The following ANKRD24 variants were observed in gnomAD, a reference collection of about 807,000 sequenced individuals.
ANKRD24 encodes the protein ankyrin repeat domain 24.
A neutral mutation model predicts 127.8 loss-of-function variants in ANKRD24; 109 were observed. The observed-to-expected ratio is 0.85, with a 90% CI of 0.73 to 1.00. The LOEUF is 1.00. ANKRD24 is among the 50% of genes least tolerant of loss of function. ANKRD24 has a pLI of 0.00. For synonymous variants in ANKRD24, 743 were observed against 671.1 expected, an observed-to-expected ratio of 1.11 and a Z score of -1.66; for missense variants, 1,648 against 1,570.2, an observed-to-expected ratio of 1.05 and a Z score of -0.84.
chr19:4,220,193 G>A (rs559896515), intron 19 of ANKRD24, among the ~76,000 whole-genome samples: 1 of 152,038 alleles, frequency 6.6e-6, no homozygotes, highest in Non-Finnish European at 1.5e-5. Flanking sequence ...GGCTGGTCTC[G>A]AACTCCTGAG....
chr19:4,200,139 A>G lies in ANKRD24; in HGVS notation c.311A>G (p.His104Arg), dbSNP rs934566600. ...AASCLEVMIA[H>R]GSNVMSADGA... ...AGCTGTCTGGAGGTGATGATAGCTC[A>G]TGGCAGCAATGTCATGAGCGCGGAC... The change falls in exon 5 of 22, where the codon CAT (histidine) becomes CGT (arginine). Residue 104 changes from histidine (H) to arginine (R), a missense_variant. Physicochemically the swap from His to Arg is conservative, Grantham distance 29 (BLOSUM62 0). Coordinates refer to ENST00000318934, the MANE Select transcript of ANKRD24 (RefSeq NM_001393985.1). 1 of 1,597,896 alleles carries G rather than the reference A, an allele frequency of 6.3e-7. No homozygotes were observed. The highest frequency in any genetic ancestry group is 1.3e-5 in the African/African-American group (1 of 74,700).
rs60004310 is a variant in ANKRD24, at chr19:4,199,764, C to G, written c.118C>G (p.Arg40Gly). The change falls in exon 3 of 22, where the codon CGC becomes GGC. Residue 40 changes from arginine to glycine, a missense_variant. By Grantham distance (125) the Arg-to-Gly change is moderately radical. Transcript: ENST00000318934. This position sits in a 1 kb window ranked among gnomAD's most constrained non-coding sequence, Gnocchi z 5.2. ...PIPKPAARGR[R>G]QSQDWGKSDE... ...CCCGAAGCCGGCAGCCAGAGGCAGG[C>G]GCCAGGCAAGTGCCCAGGGGCAGGT... The G allele has an allele frequency of 6.5e-7, 1 of 1,536,780 alleles. No individual in the cohort carries two copies. Among genetic ancestry groups the G allele is most frequent in the Non-Finnish European group, 8.7e-7 (1 of 1,143,860 alleles).
chr19:4,216,432 G>A (rs1395295425), intron 17 of ANKRD24, 30 bp downstream of exon 17: 7 of 1,557,904 alleles, frequency 4.5e-6, no homozygotes, highest in Non-Finnish European at 6.1e-6. Flanking sequence ...GGACAGATCT[G>A]AGGACCTAGG....
At chr19:4,222,839 A>G in intron 20 of ANKRD24, 44 bp downstream of exon 20, 6 of 1,544,896 alleles carry the variant, frequency 3.9e-6, no homozygotes, top group Non-Finnish European at 5.3e-6. Flanking sequence ...ATCAGGGTGG[A>G]GGAGTCCAAA....
chr19:4,213,851 T>C (rs1037359474), intron 15 of ANKRD24, among the ~76,000 whole-genome samples: 3 of 151,984 alleles, frequency 2.0e-5, no homozygotes, highest in Non-Finnish European at 4.4e-5. Flanking sequence ...GCCAGGCTGG[T>C]CTTGAACTCC....
At chr19:4,201,968 A>G (rs1599422321) in intron 5 of ANKRD24, 58 bp from the exon 6 acceptor site, 5 of 1,473,462 alleles carry the variant, frequency 3.4e-6, no homozygotes, top group Admixed American at 3.4e-5. Context: ...TGGCTTGGGG[A>G]GCAGCTGGGA....
At chr19:4,219,148 T>C (rs143639751) in intron 18 of ANKRD24, among the ~76,000 whole-genome samples, 3 of 152,118 alleles carry the variant, frequency 2.0e-5, no homozygotes, top group African/African-American at 7.2e-5. Flanking sequence ...TAGGTTGGCA[T>C]TGTGGCACGT....
chr19:4,217,333 C>T lies in ANKRD24; in HGVS notation c.2173C>T (p.Leu725=). The change falls in exon 18 of 22, where the codon CTG becomes TTG. Residue 725 remains leucine (L), a synonymous_variant. Transcript: ENST00000318934. ...AEASEKLQVE[L]ETRIRGLEEA... is the part of the protein sequence containing the mutation. ...GGCCTCGGAAAAGCTTCAAGTAGAG[C>T]TGGAGACCAGGATCCGTGGCTTGGA... The T allele has an allele frequency of 6.4e-7, 1 of 1,551,776 alleles. No individual in the cohort carries two copies. Among genetic ancestry groups the T allele is most frequent in the Non-Finnish European group, 8.7e-7 (1 of 1,147,122 alleles).
intron 20 of ANKRD24, among the ~76,000 whole-genome samples, chr19:4,223,399 A>ATTTTTTTTTTTTTT (rs1248797551): frequency 1.8e-5 from 1 of 56,354 alleles, no homozygotes; most frequent in African/African-American, 7.8e-5. Context: ...ATATATATAT[A>ATTTTTTTTTTTTTT]TATTTTTTTT....
chr19:4,190,171 C>T (rs1968302758), intron 2 of ANKRD24, among the ~76,000 whole-genome samples: 2 of 152,122 alleles, frequency 1.3e-5, no homozygotes, highest in East Asian at 1.9e-4. Flanking sequence ...CGTGGTGGCT[C>T]ACATCTGTAA....
chr19:4,206,467 A>G (rs975496089), intron 7 of ANKRD24, among the ~76,000 whole-genome samples: 3 of 151,710 alleles, frequency 2.0e-5, no homozygotes, highest in Admixed American at 2.0e-4. Flanking sequence ...ATAAAATAAT[A>G]TAATATAAAA....
intron 11 of ANKRD24, 71 bp from the exon 12 acceptor site, chr19:4,209,987 G>C (rs1411760441): frequency 2.3e-6 from 2 of 867,942 alleles, no homozygotes; most frequent in African/African-American, 3.4e-5. Context: ...TGGCTGGGTT[G>C]GTTTACTGTG....
chr19:4,196,414 C>T (rs1968743115), intron 2 of ANKRD24, among the ~76,000 whole-genome samples: 1 of 152,132 alleles, frequency 6.6e-6, no homozygotes, highest in South Asian at 2.1e-4. Context: ...CTCGCTCTGT[C>T]ACCCAGGCTG....
At position 4,199,709 on chromosome 19, in the gene ANKRD24, C is replaced by T. The variant is rs1163534155; in HGVS notation, c.63C>T (p.Gly21=). ...TGCGGCTCAGCCCCACTGACCTTGG[C>T]TCCTGCCCGCCCTGCGGCCCCTGCC... The part of the protein sequence containing the change: ...TELRLSPTDL[G]SCPPCGPCPI... The change falls in exon 3 of 22, where the codon GGC becomes GGT. Residue 21 remains glycine, a synonymous_variant. Coordinates refer to ENST00000318934, the MANE Select transcript of ANKRD24 (RefSeq NM_001393985.1). This position sits in a 1 kb window ranked among gnomAD's most constrained non-coding sequence, Gnocchi z 5.2. The T allele has an allele frequency of 4.6e-6, 7 of 1,538,376 alleles. No homozygotes were observed. In the South Asian group the frequency reaches 4.8e-5, roughly 10 times the overall value.
intron 1 of ANKRD24, among the ~76,000 whole-genome samples, chr19:4,185,716 C>G (rs975229692): frequency 6.6e-5 from 10 of 152,358 alleles, no homozygotes; most frequent in Admixed American, 2.0e-4. Flanking sequence ...TGGAGGTTCC[C>G]TCTGACTATG....
Position 4,216,583 on chromosome 19 carries a change from A to G in ANKRD24, c.1423A>G (p.Met475Val). Residue 475 changes from methionine (M) to valine (V), a missense_variant, in exon 18 of 22, where the codon ATG (methionine) becomes GTG (valine). Physicochemically the swap from Met to Val is conservative, Grantham distance 21 (BLOSUM62 1). Transcript: ENST00000318934. Reference sequence around the variant, plus strand: ...GAACTTTGAGAAGGACGAGACACAGATGGAAGTGGAAGCTTTGGCAGAGGT... The same window carrying G: ...GAACTTTGAGAAGGACGAGACACAGGTGGAAGTGGAAGCTTTGGCAGAGGT... ...LENFEKDETQ[M>V]EVEALAEVIP... is the part of the protein sequence containing the mutation. 1 of 1,611,846 alleles carries G rather than the reference A, an allele frequency of 6.2e-7. No homozygotes were observed. Among genetic ancestry groups the G allele is most frequent in the Non-Finnish European group, 8.5e-7 (1 of 1,179,016 alleles).
chr19:4,217,596 G>C lies in ANKRD24; in HGVS notation c.2436G>C (p.Ser812=), dbSNP rs1201611471. 2 of 1,304,106 alleles carry C rather than the reference G, an allele frequency of 1.5e-6. No individual in the cohort carries two copies. Among genetic ancestry groups the C allele is most frequent in the African/African-American group, 1.6e-5 (1 of 63,914 alleles). The allele number at this position is 1,304,106 out of a possible 1,614,324, so 80.8% of individuals were successfully genotyped here. Residue 812 remains serine (S), a synonymous_variant, in exon 18 of 22, where the codon TCG becomes TCC. Coordinates refer to ENST00000318934, the MANE Select transcript of ANKRD24 (RefSeq NM_001393985.1). Reference sequence around the variant, plus strand: ...GCCTGCGGGAGCTGGAGGCGGCCTCGGCCTGCCTGGATGAGGCTCGGGCCA... The same window carrying C: ...GCCTGCGGGAGCTGGAGGCGGCCTCCGCCTGCCTGGATGAGGCTCGGGCCA... ...DSRLRELEAA[S]ACLDEARASR... is the part of the protein sequence containing the mutation.
At chr19:4,210,194 G>A in intron 12 of ANKRD24, 56 bp downstream of exon 12, 1 of 1,568,354 alleles carries the variant, frequency 6.4e-7, no homozygotes. Flanking sequence ...GCACGGGGAG[G>A]GGCTCTGGCT....
chr19:4,199,378 T>G lies in ANKRD24; in HGVS notation c.37-305T>G. The G allele has an allele frequency of 7.0e-6, 3 of 426,668 alleles. No homozygotes were observed. Among genetic ancestry groups the G allele is most frequent in the Non-Finnish European group, 9.4e-6 (3 of 319,426 alleles). The allele number at this position is 426,668 out of a possible 1,614,324, so 26.4% of individuals were successfully genotyped here. A position where few individuals can be genotyped will look rare whatever the true frequency, so the allele number is the denominator to read the frequency against. On this transcript the variant is annotated intron_variant, in intron 2 of 21. Coordinates refer to ENST00000318934, the MANE Select transcript of ANKRD24 (RefSeq NM_001393985.1). The surrounding 1 kb of genome is among the most constrained non-coding windows in gnomAD (Gnocchi z 5.2). The stretch of plus-strand genomic sequence containing the variant: ...GGCATGAGCCACCATGCCCCGCTGA[T>G]GATTTTTATTTTTTGTAGAGACGGG...
Sources: gnomAD v4.1 joint callset for allele counts (sites outside exome capture counted in the v4.1 genomes callset) on GRCh38, gnomAD v4.1.1 for gene constraint, Gnocchi (gnomAD v3.1) non-coding constraint, MANE v1.5 for transcripts, NCBI Gene and HGNC (gene_info 2026-07-23, HGNC 2026-07-21) for gene names.